PIEZO2: variants seen among roughly 807,000 people sequenced by gnomAD.
PIEZO2 encodes the protein piezo type mechanosensitive ion channel component 2, also known as piezo-type mechanosensitive ion channel component 2.
Under a neutral mutation model 337.3 loss-of-function variants are expected in PIEZO2, and 172 were observed. The observed-to-expected ratio is 0.51, with a 90% CI of 0.45 to 0.58. PIEZO2 has a LOEUF of 0.58. Ranked by LOEUF, PIEZO2 falls within the 20% of genes least tolerant of loss-of-function variation. PIEZO2 has a pLI of 0.00. For missense variants in PIEZO2, 3,028 were observed against 3,391.3 expected (o/e 0.89, Z 2.66); for synonymous variants, 1,251 against 1,228.5 (o/e 1.02, Z -0.38).
rs1426214644 is a variant in PIEZO2, at chr18:11,035,879, A to C, written c.160+30248T>G. Among the ~76,000 whole-genome samples the C allele has an allele frequency of 1.3e-5, 2 of 152,208 alleles. No individual in the cohort carries two copies. The highest frequency in any genetic ancestry group is 4.8e-5 in the African/African-American group (2 of 41,436). On this transcript the variant is annotated intron_variant, in intron 2 of 55. Coordinates refer to ENST00000674853, the MANE Select transcript of PIEZO2 (RefSeq NM_001378183.1). The surrounding 1 kb of genome is among the most constrained non-coding windows in gnomAD (Gnocchi z 4.3). ...AACAGCAAATAATATCTGTACTCCA[A>C]ATACTTGTCAGAGGAATGAACTCCA...
chr18:10,716,707 C>A lies in PIEZO2; in HGVS notation c.5090-891G>T, dbSNP rs2036024480. 6.6e-6 allele frequency among the ~76,000 whole-genome samples: 1 copy of A among 152,180 alleles called. No individual in the cohort carries two copies. The highest frequency in any genetic ancestry group is 2.1e-4 in the South Asian group (1 of 4,828). ...AAGCAAGGTATGTATTTCTCACAAT[C>A]ATTCAGATAGAGCCTCTAGCTGCTC... On this transcript the variant is annotated intron_variant, in intron 37 of 55. Transcript: ENST00000674853. This position sits in a 1 kb window ranked among gnomAD's most constrained non-coding sequence, Gnocchi z 4.1.
At chr18:11,046,341 G>A (rs1267089236) in intron 2 of PIEZO2, among the ~76,000 whole-genome samples, 1 of 152,224 alleles carries the variant, frequency 6.6e-6, no homozygotes, top group African/African-American at 2.4e-5. Flanking sequence ...TGGGACAAGT[G>A]TTGGCTGAAC....
chr18:10,827,535 T>C (rs954613558), intron 7 of PIEZO2, among the ~76,000 whole-genome samples: 1 of 152,166 alleles, frequency 6.6e-6, no homozygotes, highest in Non-Finnish European at 1.5e-5. Context: ...TGCCTTTATG[T>C]CTTTTGTATC....
chr18:10,926,134 A>T (rs935727308), intron 3 of PIEZO2, among the ~76,000 whole-genome samples: 5 of 152,200 alleles, frequency 3.3e-5, no homozygotes, highest in African/African-American at 1.2e-4. Context: ...TGCCTACACG[A>T]GTAGACTTGA....
chr18:10,698,479 C>T (rs1451656375), intron 44 of PIEZO2, among the ~76,000 whole-genome samples: 2 of 152,160 alleles, frequency 1.3e-5, no homozygotes, highest in African/African-American at 2.4e-5. Flanking sequence ...TGATTGTACT[C>T]GTTGTTTGGG....
At chr18:11,087,360 A>T (rs921023694) in intron 1 of PIEZO2, among the ~76,000 whole-genome samples, 1 of 152,214 alleles carries the variant, frequency 6.6e-6, no homozygotes, top group African/African-American at 2.4e-5. Context: ...ATGCTAGCCC[A>T]GGGCCAGTCC....
chr18:10,912,056 T>TC (rs2030531515), intron 3 of PIEZO2, among the ~76,000 whole-genome samples: 1 of 152,058 alleles, frequency 6.6e-6, no homozygotes, highest in Non-Finnish European at 1.5e-5. Flanking sequence ...ATTCACATAT[T>TC]CTTTTTTTTT....
chr18:11,056,977 G>C (rs746307516), intron 2 of PIEZO2, among the ~76,000 whole-genome samples: 1 of 152,228 alleles, frequency 6.6e-6, no homozygotes, highest in Non-Finnish European at 1.5e-5. Context: ...GGAATATTCT[G>C]TGCATTGAAT....
chr18:10,677,635 T>C lies in PIEZO2; in HGVS notation c.8081+112A>G. Reference sequence around the variant, plus strand: ...GGCCTCCAAATAGAAATTAACTTTGTGTTACCAAAGAATGAAGTTGCATTC... The same window carrying C: ...GGCCTCCAAATAGAAATTAACTTTGCGTTACCAAAGAATGAAGTTGCATTC... On this transcript the variant is annotated intron_variant, in intron 53 of 55. Transcript: ENST00000674853. This position sits in a 1 kb window ranked among gnomAD's most constrained non-coding sequence, Gnocchi z 4.1. 1.5e-6 allele frequency: 2 copies of C among 1,303,278 alleles called. No individual in the cohort carries two copies. Among genetic ancestry groups the C allele is most frequent in the South Asian group, 2.6e-5 (2 of 75,776 alleles). The allele number at this position is 1,303,278 out of a possible 1,614,324, so 80.7% of individuals were successfully genotyped here.
rs1219187758 is a variant in PIEZO2, at chr18:10,698,987, C to G, written c.6632G>C (p.Arg2211Pro). The change falls in exon 44 of 56, where the codon CGC (arginine) becomes CCC (proline). Residue 2211 changes from arginine (R) to proline (P), a missense_variant. Arg to Pro is a moderately radical substitution (Grantham distance 103, BLOSUM62 -2). Around this residue, in one of 5 missense-constraint regions of PIEZO2, gnomAD observed 1,925 missense variants for 2,051.9 expected, o/e 0.94. Coordinates refer to ENST00000674853, the MANE Select transcript of PIEZO2 (RefSeq NM_001378183.1). ...GGATGGCTCGGAGCTGCTGCCGGAG[C>G]GCTTCCTCCGGACAGCTGTCTGCTG... ...PEQQTAVRRK[R>P]SGSSSEPSQR... is the part of the protein sequence containing the mutation. 3 of 1,536,790 alleles carry G rather than the reference C, an allele frequency of 2.0e-6. No homozygotes were observed. Among genetic ancestry groups the G allele is most frequent in the East Asian group, 2.4e-5 (1 of 40,926 alleles).
intron 3 of PIEZO2, among the ~76,000 whole-genome samples, chr18:10,919,303 A>C (rs570275847): frequency 6.6e-6 from 1 of 152,152 alleles, no homozygotes; most frequent in African/African-American, 2.4e-5. Flanking sequence ...TCAAAATTTC[A>C]TATACTAACT....
Position 10,854,295 on chromosome 18 carries a change from AATCAATTCCTCAAGATATTGATC to A in PIEZO2, c.917+1035_917+1057del, listed in dbSNP as rs1255912043. 6.6e-6 allele frequency among the ~76,000 whole-genome samples: 1 copy of A among 152,208 alleles called. No homozygotes were observed. The highest frequency in any genetic ancestry group is 1.9e-4 in the East Asian group (1 of 5,196). On this transcript the variant is annotated intron_variant, in intron 7 of 55. Coordinates refer to ENST00000674853, the MANE Select transcript of PIEZO2 (RefSeq NM_001378183.1). The surrounding 1 kb of genome is among the most constrained non-coding windows in gnomAD (Gnocchi z 4.6). ...TCTCAGTTTTGATCATGTTGACTTC[AATCAATTCCTCAAGATATTGATC>A]ACACCTTTGGAAAGATGTTATTTTT...
intron 1 of PIEZO2, among the ~76,000 whole-genome samples, chr18:11,066,724 C>A (rs1357212965): frequency 6.6e-6 from 1 of 152,106 alleles, no homozygotes; most frequent in Non-Finnish European, 1.5e-5. Flanking sequence ...CTCAGCCTCC[C>A]AAGTAGCTGG....
In PIEZO2 at chr18:10,830,137, A is replaced by G. The variant is rs1203505891; in HGVS notation, c.918-22863T>C. Among the ~76,000 whole-genome samples, 11 of 152,150 alleles carry G rather than the reference A, an allele frequency of 7.2e-5. No individual in the cohort carries two copies. The highest frequency in any genetic ancestry group is 1.6e-4 in the Non-Finnish European group (11 of 68,014). On this transcript the variant is annotated intron_variant, in intron 7 of 55. Coordinates refer to ENST00000674853, the MANE Select transcript of PIEZO2 (RefSeq NM_001378183.1). The surrounding 1 kb of genome is among the most constrained non-coding windows in gnomAD (Gnocchi z 4.7). The stretch of plus-strand genomic sequence containing the variant: ...AACAGAATAGGGAAGCCAGTAATTC[A>G]TACATCTACAGTGAACTTGCTTTTG...
rs2039403661 is a variant in PIEZO2 at position 10,791,292 on chromosome 18, C to T, written c.1791G>A (p.Leu597=). ...CTTTTTGCTCTGTGAGGTGCTGCCT[C>T]AGCAGTAGCCAAAAAGTAATGGTGA... ...ILFTITFWLL[L]RQHLTEQKAL... is the part of the protein sequence containing the mutation. Residue 597 remains leucine, a synonymous_variant, in exon 14 of 56, where the codon CTG becomes CTA. Coordinates refer to ENST00000674853, the MANE Select transcript of PIEZO2 (RefSeq NM_001378183.1). The T allele has an allele frequency of 2.0e-6, 3 of 1,525,694 alleles. No individual in the cohort carries two copies. The highest frequency in any genetic ancestry group is 1.2e-5 in the South Asian group (1 of 81,860). The allele number at this position is 1,525,694 out of a possible 1,614,324, so 94.5% of individuals were successfully genotyped here. A position where few individuals can be genotyped will look rare whatever the true frequency, so the allele number is the denominator to read the frequency against.
chr18:11,122,871 G>A (rs2040067741), intron 1 of PIEZO2, among the ~76,000 whole-genome samples: 1 of 151,398 alleles, frequency 6.6e-6, no homozygotes, highest in African/African-American at 2.4e-5. Flanking sequence ...ACTTCCCTGA[G>A]AATTAAGGTT....
intron 1 of PIEZO2, among the ~76,000 whole-genome samples, chr18:11,087,894 A>T (rs984947863): frequency 3.0e-4 from 46 of 152,274 alleles, no homozygotes; most frequent in African/African-American, 1.1e-3. Flanking sequence ...TTCAGGCACA[A>T]CAGCCTGCTT....
chr18:11,130,380 T>C (rs1050910058), intron 1 of PIEZO2, among the ~76,000 whole-genome samples: 2 of 152,264 alleles, frequency 1.3e-5, no homozygotes, highest in Non-Finnish European at 2.9e-5. Flanking sequence ...CCTGTCCATA[T>C]GGCCCACCAG....
In PIEZO2 at chr18:10,747,940, A is replaced by G. The variant is rs572150458; in HGVS notation, c.4424+531T>C. ...CTGGGGGCCACAGAGCTAGTCATCG[A>G]CACCCACCCCCACCTCAGGGCACTT... On this transcript the variant is annotated intron_variant, in intron 30 of 55. Coordinates refer to ENST00000674853, the MANE Select transcript of PIEZO2 (RefSeq NM_001378183.1). Among the ~76,000 whole-genome samples the G allele has an allele frequency of 5.3e-5, 8 of 152,194 alleles. No individual in the cohort carries two copies. The South Asian group carries it at 1.7e-3, about 32-fold the overall frequency.
Sources: gnomAD v4.1 joint callset for allele counts (sites outside exome capture counted in the v4.1 genomes callset) on GRCh38, gnomAD v4.1.1 for gene constraint, gnomAD v4.1.1 regional missense constraint, Gnocchi (gnomAD v3.1) non-coding constraint, MANE v1.5 for transcripts, NCBI Gene and HGNC (gene_info 2026-07-23, HGNC 2026-07-21) for gene names.